Variants in DSCAM observed in about 807,000 individuals in gnomAD.
DSCAM encodes the protein cell adhesion molecule DSCAM.
In DSCAM, 47 loss-of-function variants were observed where a neutral mutation model predicts 217.7. That is an observed-to-expected ratio of 0.22 (90% CI 0.17 to 0.28). The LOEUF (loss-of-function observed/expected upper bound fraction) is 0.28, where lower values mean the gene tolerates loss of function less well. Among genes scored for constraint, DSCAM ranks in the 10% least tolerant of loss-of-function variants. The pLI is 1.00. For synonymous variants in DSCAM, 1,056 were observed against 1,015.3 expected (o/e 1.04, Z -0.76); for missense variants, 2,080 against 2,618.3 (o/e 0.79, Z 4.49).
intron 11 of DSCAM, among the ~76,000 whole-genome samples, chr21:40,264,429 C>T (rs2073495376): frequency 6.6e-6 from 1 of 152,138 alleles, no homozygotes; most frequent in South Asian, 2.1e-4. Context: ...TGTGATTCAT[C>T]ACATAAACAT....
intron 3 of DSCAM, 76 bp downstream of exon 3, chr21:40,692,734 G>C (rs1568988032): frequency 6.6e-7 from 1 of 1,512,620 alleles, no homozygotes; most frequent in Non-Finnish European, 9.0e-7. Context: ...CATAAACGGA[G>C]ACCCGATTCC....
At chr21:40,104,096 T>C (rs902028732) in intron 20 of DSCAM, among the ~76,000 whole-genome samples, 4 of 152,150 alleles carry the variant, frequency 2.6e-5, no homozygotes, top group Non-Finnish European at 5.9e-5. Flanking sequence ...TAACAGGCTC[T>C]TTCCAACCGA....
At chr21:40,463,654 G>A (rs2075822555) in intron 3 of DSCAM, among the ~76,000 whole-genome samples, 1 of 152,118 alleles carries the variant, frequency 6.6e-6, no homozygotes, top group Non-Finnish European at 1.5e-5. Context: ...GTCCATCCTT[G>A]GTCCCCATGC....
At chr21:40,044,397 T>C in intron 30 of DSCAM, 122 bp from the exon 31 acceptor site, 1 of 902,060 alleles carries the variant, frequency 1.1e-6, no homozygotes, top group Non-Finnish European at 1.7e-6. Flanking sequence ...CCAGGAAAAC[T>C]TCCTTGACTT....
Position 40,134,062 on chromosome 21 carries a change from C to A in DSCAM, c.3407-53G>T, listed in dbSNP as rs530544080. On this transcript the variant is annotated intron_variant, in intron 18 of 32. Coordinates refer to ENST00000400454, the MANE Select transcript of DSCAM (RefSeq NM_001389.5). ...TCCCACTTCTGAGCCCATTTCTGCTCGTTTTTCCGCACTGTCCCCACTGAC... is the reference window on the plus strand; with the variant it reads ...TCCCACTTCTGAGCCCATTTCTGCTAGTTTTTCCGCACTGTCCCCACTGAC... 5.8e-6 allele frequency: 9 copies of A among 1,564,614 alleles called. No homozygotes were observed. The African/African-American group carries it at 1.1e-4, about 19-fold the overall frequency.
intron 1 of DSCAM, among the ~76,000 whole-genome samples, chr21:40,726,390 A>G (rs1245082988): frequency 1.3e-5 from 2 of 152,224 alleles, no homozygotes; most frequent in Non-Finnish European, 2.9e-5. Flanking sequence ...AAATGGTAGT[A>G]TCATTATATA....
chr21:40,608,937 T>G (rs916248692), intron 3 of DSCAM, among the ~76,000 whole-genome samples: 5 of 152,112 alleles, frequency 3.3e-5, no homozygotes, highest in Non-Finnish European at 7.4e-5. Context: ...ATAAGTTGAA[T>G]TGCTTCAGAT....
At chr21:40,130,669 C>T (rs13051821) in intron 19 of DSCAM, among the ~76,000 whole-genome samples, 14,094 of 152,158 alleles carry the variant, frequency 0.093, 901 homozygotes, top group Middle Eastern at 0.14. Context: ...GAGATTATGA[C>T]CACAGACATG....
intron 1 of DSCAM, among the ~76,000 whole-genome samples, chr21:40,828,080 G>A (rs2091984118): frequency 2.0e-5 from 3 of 152,090 alleles, no homozygotes. Context: ...ATGCTGAGCT[G>A]GAAGAGGGGG....
chr21:40,738,762 C>T (rs2091091253), intron 1 of DSCAM, among the ~76,000 whole-genome samples: 1 of 152,182 alleles, frequency 6.6e-6, no homozygotes, highest in Non-Finnish European at 1.5e-5. Context: ...AGTCAGGGGA[C>T]CACACTTGGA....
chr21:40,584,394 T>C (rs1312859687), intron 3 of DSCAM, among the ~76,000 whole-genome samples: 1 of 152,188 alleles, frequency 6.6e-6, no homozygotes. Context: ...GCTGGAGTGT[T>C]ATCAGAATGA....
intron 1 of DSCAM, among the ~76,000 whole-genome samples, chr21:40,817,280 G>A (rs753877665): frequency 1.1e-4 from 16 of 152,136 alleles, no homozygotes; most frequent in Non-Finnish European, 2.2e-4. Context: ...AATGCCAGGA[G>A]GGAAAGGGAA....
intron 3 of DSCAM, among the ~76,000 whole-genome samples, chr21:40,641,877 G>A (rs1469616092): frequency 5.3e-5 from 8 of 151,848 alleles, no homozygotes; most frequent in South Asian, 2.1e-4. Context: ...GTGAAACCCC[G>A]TCTCTACTAA....
At chr21:40,179,663 A>G (rs929441883) in intron 14 of DSCAM, among the ~76,000 whole-genome samples, 2 of 152,192 alleles carry the variant, frequency 1.3e-5, no homozygotes, top group Admixed American at 6.5e-5. Context: ...ATTACCAAAC[A>G]TATTTTTTCA....
At chr21:40,568,637 T>C (rs569870528) in intron 3 of DSCAM, among the ~76,000 whole-genome samples, 8 of 152,358 alleles carry the variant, frequency 5.3e-5, no homozygotes, top group South Asian at 2.1e-4. Context: ...ATTTTTATTA[T>C]AGAATTAATA....
At chr21:40,821,087 T>C (rs2091921722) in intron 1 of DSCAM, among the ~76,000 whole-genome samples, 1 of 147,326 alleles carries the variant, frequency 6.8e-6, no homozygotes, top group African/African-American at 2.5e-5. Context: ...TCTTCACATA[T>C]ATAGAGAGAT....
chr21:40,313,212 C>A (rs549216580), intron 8 of DSCAM, among the ~76,000 whole-genome samples: 351 of 151,448 alleles, frequency 2.3e-3, no homozygotes, highest in African/African-American at 7.6e-3. Flanking sequence ...ATTATAAATT[C>A]TTATTTCATA....
chr21:40,543,712 A>G (rs2076559334), intron 3 of DSCAM, among the ~76,000 whole-genome samples: 1 of 152,094 alleles, frequency 6.6e-6, no homozygotes, highest in African/African-American at 2.4e-5. Context: ...AGGGATATCA[A>G]ATTAGTACTT....
intron 3 of DSCAM, among the ~76,000 whole-genome samples, chr21:40,606,362 G>A (rs2146270148): frequency 6.6e-6 from 1 of 152,270 alleles, no homozygotes; most frequent in African/African-American, 2.4e-5. Context: ...AGCCTGCATT[G>A]CCAGATTTAT....
Sources: gnomAD v4.1 joint callset for allele counts (sites outside exome capture counted in the v4.1 genomes callset) on GRCh38, gnomAD v4.1.1 for gene constraint, MANE v1.5 for transcripts, NCBI Gene and HGNC (gene_info 2026-07-23, HGNC 2026-07-21) for gene names.